The following ITSN2 variants were observed in gnomAD, a reference collection of about 807,000 sequenced individuals.
The protein encoded by ITSN2 is intersectin-2.
ITSN2 carries 156 observed loss-of-function variants against 243.7 expected under a neutral mutation model. That is an observed-to-expected ratio of 0.64 (90% confidence interval 0.56 to 0.73). The LOEUF is 0.73. ITSN2 is among the 30% of genes least tolerant of loss of function. The pLI is 0.00. For synonymous variants in ITSN2, 703 were observed against 699.9 expected (o/e 1.00, Z -0.07); for missense variants, 1,801 against 1,996.1 (o/e 0.90, Z 1.86).
At chr2:24,207,956 T>G (rs961492999) in intron 37 of ITSN2, among the ~76,000 whole-genome samples, 4 of 151,316 alleles carry the variant, frequency 2.6e-5, no homozygotes, top group Admixed American at 1.3e-4. Context: ...AGGTGAGTCA[T>G]GGAGAGAAAG....
At chr2:24,275,997 T>C in intron 17 of ITSN2, 148 bp from the exon 18 acceptor site, 1 of 544,102 alleles carries the variant, frequency 1.8e-6, no homozygotes, top group South Asian at 3.8e-5. Context: ...AATATCTAGA[T>C]GATAAAAAAA....
intron 8 of ITSN2, among the ~76,000 whole-genome samples, chr2:24,306,918 G>T (rs1322684743): frequency 6.6e-6 from 1 of 151,634 alleles, no homozygotes; most frequent in Non-Finnish European, 1.5e-5. Context: ...CAATTCTCCT[G>T]CCTCAGCCTC....
rs956371036 is a variant in ITSN2, at chr2:24,313,596, TG to T, written c.125-74del. The T allele has an allele frequency of 1.1e-5, 11 of 968,828 alleles. No homozygotes were observed. The African/African-American group carries it at 1.5e-4, about 13-fold the overall frequency. The allele number at this position is 968,828 out of a possible 1,614,324, so 60.0% of individuals were successfully genotyped here. ...TTATTCCAATGCTTCTGAATAATAA[TG>T]GGTATATGTTAATGATTTATTATAA... is the stretch of plus-strand genomic sequence containing the variant. On this transcript the variant is annotated intron_variant, in intron 3 of 39. Coordinates refer to ENST00000355123, the MANE Select transcript of ITSN2 (RefSeq NM_006277.3).
intron 1 of ITSN2, among the ~76,000 whole-genome samples, chr2:24,359,386 A>G (rs1349912051): frequency 6.6e-6 from 1 of 152,264 alleles, no homozygotes; most frequent in African/African-American, 2.4e-5. Context: ...AACTAGAAGC[A>G]TGGAGCAAAG....
chr2:24,209,190 A>G lies in ITSN2; in HGVS notation c.4505T>C (p.Leu1502Pro), dbSNP rs1558425543. 4.3e-6 allele frequency: 7 copies of G among 1,614,158 alleles called. No individual in the cohort carries two copies. Among genetic ancestry groups the G allele is most frequent in the Middle Eastern group, 1.6e-4 (1 of 6,062 alleles). ...PIFLNEVLVK[L>P]PTDPSSDEPV... ...CTCATCGCTGGAAGGGTCTGTGGGC[A>G]GTTTCACCAAGACTTCATTCAGGAA... is the stretch of plus-strand genomic sequence containing the variant. The change falls in exon 36 of 40, where the codon CTG (leucine) becomes CCG (proline). Residue 1502 changes from leucine (L) to proline (P), a missense_variant. Transcript: ENST00000355123.
intron 1 of ITSN2, among the ~76,000 whole-genome samples, chr2:24,356,332 C>G (rs1688440536): frequency 7.6e-6 from 1 of 130,862 alleles, no homozygotes; most frequent in Non-Finnish European, 1.6e-5. Flanking sequence ...GGAGACAGAG[C>G]AAGACCCTGT....
intron 17 of ITSN2, among the ~76,000 whole-genome samples, chr2:24,279,909 T>G (rs750625555): frequency 3.3e-5 from 5 of 151,902 alleles, no homozygotes; most frequent in African/African-American, 4.8e-5. Context: ...ATTTTTTGTA[T>G]TTTTAGTAGA....
At chr2:24,330,087 T>C (rs1685601891) in intron 1 of ITSN2, among the ~76,000 whole-genome samples, 1 of 152,230 alleles carries the variant, frequency 6.6e-6, no homozygotes, top group Admixed American at 6.5e-5. Flanking sequence ...GAAAACCCAC[T>C]ATTGCAAATA....
chr2:24,210,900 CT>C lies in ITSN2; in HGVS notation c.4136del (p.Lys1379SerfsTer14). 2 of 1,614,204 alleles carry C rather than the reference CT, an allele frequency of 1.2e-6. No individual in the cohort carries two copies. Among genetic ancestry groups the C allele is most frequent in the Non-Finnish European group, 1.7e-6 (2 of 1,180,034 alleles). On this transcript the variant is annotated frameshift_variant, in exon 34 of 40. Transcript: ENST00000355123. LOFTEE classifies it high-confidence loss of function. Reference sequence around the variant, plus strand: ...GCTCCTCTGCCCGCTCGAGGGCCAGCTTTAGGGAGGAATGGTCTGCATGGCT... The same window carrying C: ...GCTCCTCTGCCCGCTCGAGGGCCAGCTTAGGGAGGAATGGTCTGCATGGCT... ...PESHADHSSL[K>X]LALERAEELC...
At chr2:24,330,495 C>A in intron 1 of ITSN2, 1 of 693,414 alleles carries the variant, frequency 1.4e-6, no homozygotes, top group South Asian at 1.4e-5. Context: ...GTCTGCTAAA[C>A]CTGCTCCTCC....
At chr2:24,332,199 G>A (rs1163583430) in intron 1 of ITSN2, among the ~76,000 whole-genome samples, 3 of 152,148 alleles carry the variant, frequency 2.0e-5, no homozygotes, top group Admixed American at 1.3e-4. Flanking sequence ...CCAAGATCAG[G>A]CCATTGCACT....
intron 13 of ITSN2, among the ~76,000 whole-genome samples, chr2:24,296,623 G>A (rs1332368519): frequency 6.6e-6 from 1 of 152,194 alleles, no homozygotes; most frequent in African/African-American, 2.4e-5. Flanking sequence ...CCACCTGCAA[G>A]CCACCAAAAG....
rs200605569 is a variant in ITSN2, at chr2:24,204,244, C to T, written c.4936+1G>A. 7.4e-6 allele frequency: 12 copies of T among 1,613,916 alleles called. No individual in the cohort carries two copies. The highest frequency in any genetic ancestry group is 9.3e-6 in the Non-Finnish European group (11 of 1,179,974). Reference sequence around the variant, plus strand: ...AGATCCCCTGGCTGAGCGACACTTACCATCTGGTGAAAACTGGTCTCTGTC... The same window carrying T: ...AGATCCCCTGGCTGAGCGACACTTATCATCTGGTGAAAACTGGTCTCTGTC... On this transcript the variant is annotated splice_donor_variant, in intron 39 of 39. Transcript: ENST00000355123. LOFTEE classifies it high-confidence loss of function. The surrounding 1 kb of genome is among the most constrained non-coding windows in gnomAD (Gnocchi z 5.1).
At chr2:24,253,432 C>T (rs1558494910) in intron 24 of ITSN2, among the ~76,000 whole-genome samples, 3 of 152,248 alleles carry the variant, frequency 2.0e-5, no homozygotes, top group Admixed American at 6.5e-5. Context: ...CCACAGTACA[C>T]CTATGATTCA....
At chr2:24,207,810 C>T (rs957414984) in intron 37 of ITSN2, among the ~76,000 whole-genome samples, 6 of 151,584 alleles carry the variant, frequency 4.0e-5, no homozygotes, top group Admixed American at 1.3e-4. Flanking sequence ...AGGGTCTAGG[C>T]CCCCTGGCTG....
chr2:24,247,781 C>T (rs1673579557), intron 27 of ITSN2, among the ~76,000 whole-genome samples: 1 of 152,170 alleles, frequency 6.6e-6, no homozygotes, highest in Admixed American at 6.5e-5. Flanking sequence ...ACTACAAATA[C>T]TTCTTGGAGC....
At chr2:24,306,393 T>C (rs777922563) in intron 8 of ITSN2, among the ~76,000 whole-genome samples, 5 of 152,146 alleles carry the variant, frequency 3.3e-5, no homozygotes, top group African/African-American at 1.2e-4. Flanking sequence ...GTAACCACAT[T>C]ATTCTGATTT....
At chr2:24,319,859 C>T (rs1684350707) in intron 2 of ITSN2, among the ~76,000 whole-genome samples, 1 of 152,172 alleles carries the variant, frequency 6.6e-6, no homozygotes, top group Admixed American at 6.5e-5. Flanking sequence ...TAACTTGCCT[C>T]CCTCCAAAAA....
At chr2:24,284,311 C>G (rs887778221) in intron 17 of ITSN2, among the ~76,000 whole-genome samples, 1 of 152,158 alleles carries the variant, frequency 6.6e-6, no homozygotes, top group Non-Finnish European at 1.5e-5. Flanking sequence ...TAAAATTGTC[C>G]TTACAACAGT....
Sources: gnomAD v4.1 joint callset for allele counts (sites outside exome capture counted in the v4.1 genomes callset) on GRCh38, gnomAD v4.1.1 for gene constraint, Gnocchi (gnomAD v3.1) non-coding constraint, MANE v1.5 for transcripts, NCBI Gene and HGNC (gene_info 2026-07-23, HGNC 2026-07-21) for gene names.